Variants in MICU1 observed in about 807,000 individuals in gnomAD.
MICU1 encodes the protein calcium uptake protein 1, mitochondrial.
Under a neutral mutation model 56.8 loss-of-function variants are expected in MICU1, and 45 were observed. The observed-to-expected ratio is 0.79, with a 90% CI of 0.62 to 1.02. The LOEUF is 1.02. MICU1 is among the 50% of genes least tolerant of loss of function. The pLI is 0.00. For synonymous variants in MICU1, 186 were observed against 195.1 expected (o/e 0.95, Z 0.39); for missense variants, 504 against 587.1 (o/e 0.86, Z 1.46).
intron 1 of MICU1, among the ~76,000 whole-genome samples, chr10:72,567,498 G>C (rs1316221456): frequency 2.0e-5 from 3 of 152,130 alleles, no homozygotes; most frequent in African/African-American, 7.2e-5. Flanking sequence ...GCAGAGATCA[G>C]ACTGTGTGGA....
chr10:72,396,252 G>C (rs1863253814), intron 10 of MICU1, among the ~76,000 whole-genome samples: 1 of 152,178 alleles, frequency 6.6e-6, no homozygotes, highest in Non-Finnish European at 1.5e-5. Flanking sequence ...TCAACAAAAA[G>C]GACGTCCACA....
chr10:72,440,385 T>C (rs1013052274), intron 8 of MICU1, among the ~76,000 whole-genome samples: 1 of 152,176 alleles, frequency 6.6e-6, no homozygotes, highest in African/African-American at 2.4e-5. Context: ...TTATACCTTA[T>C]ACAAAAATTA....
chr10:72,449,547 G>A (rs1865231076), intron 8 of MICU1, among the ~76,000 whole-genome samples: 1 of 152,146 alleles, frequency 6.6e-6, no homozygotes, highest in African/African-American at 2.4e-5. Flanking sequence ...AAGTTTCTTA[G>A]AGTACCACAG....
At position 72,585,318 on chromosome 10, in the gene MICU1, G is replaced by A. The variant is rs960832844; in HGVS notation, c.-1-18524C>T. ...AAGATACATTTCAACTTCAAACCCT[G>A]TTTTAGAGTTCAAACATTTTATCCT... On this transcript the variant is annotated intron_variant, in intron 1 of 11. Coordinates refer to ENST00000361114, the MANE Select transcript of MICU1 (RefSeq NM_001195518.2). 2.6e-5 allele frequency among the ~76,000 whole-genome samples: 4 copies of A among 152,004 alleles called. No individual in the cohort carries two copies. In the East Asian group the frequency reaches 7.7e-4, roughly 29 times the overall value.
At chr10:72,441,615 C>CTTTCTTTT (rs1864933250) in intron 8 of MICU1, among the ~76,000 whole-genome samples, 1 of 105,474 alleles carries the variant, frequency 9.5e-6, no homozygotes, top group Non-Finnish European at 1.8e-5. Flanking sequence ...TTTAATTTTT[C>CTTTCTTTT]TTTTTTTTTT....
intron 10 of MICU1, among the ~76,000 whole-genome samples, chr10:72,406,069 G>C (rs991062699): frequency 1.3e-5 from 2 of 151,464 alleles, no homozygotes; most frequent in Admixed American, 6.6e-5. Context: ...GAAGATGATA[G>C]GATTATTTAC....
intron 6 of MICU1, among the ~76,000 whole-genome samples, chr10:72,502,425 A>C (rs1589284811): frequency 6.6e-6 from 1 of 151,954 alleles, no homozygotes; most frequent in African/African-American, 2.4e-5. Flanking sequence ...CAAAGTGCCG[A>C]GATTACAGGT....
Position 72,512,100 on chromosome 10 carries a change from G to GTTTTTTTTTTTTTTTTTTTTTTTTT in MICU1, c.538-3832_538-3831insAAAAAAAAAAAAAAAAAAAAAAAAA, listed in dbSNP as rs1199987987. 1.9e-4 allele frequency among the ~76,000 whole-genome samples: 16 copies of GTTTTTTTTTTTTTTTTTTTTTTTTT among 82,336 alleles called. 3 individuals carry two copies. Among genetic ancestry groups the GTTTTTTTTTTTTTTTTTTTTTTTTT allele is most frequent in the African/African-American group, 8.1e-4 (14 of 17,242 alleles). 54.0% of individuals were successfully genotyped at this position (82,336 alleles called of 152,430 possible). A position where few individuals can be genotyped will look rare whatever the true frequency, so the allele number is the denominator to read the frequency against. On this transcript the variant is annotated intron_variant, in intron 5 of 11. Coordinates refer to ENST00000361114, the MANE Select transcript of MICU1 (RefSeq NM_001195518.2). The stretch of plus-strand genomic sequence containing the variant: ...ATCAATCTGGCATCCATACACAGTT[G>GTTTTTTTTTTTTTTTTTTTTTTTTT]TTTTTTGTTTTTTTTTTTTTTTTTT...
rs767196483 is a variant in MICU1, at chr10:72,475,086, T to C, written c.933+14A>G. ...CCACATGTGATGGATCTACTGAGTC[T>C]AAGGAAGACCTACCTCAAGCTTCAG... On this transcript the variant is annotated intron_variant, in intron 8 of 11. Transcript: ENST00000361114. 6.2e-7 allele frequency: 1 copy of C among 1,601,024 alleles called. No homozygotes were observed. Among genetic ancestry groups the C allele is most frequent in the Non-Finnish European group, 8.5e-7 (1 of 1,173,290 alleles).
intron 1 of MICU1, among the ~76,000 whole-genome samples, chr10:72,581,787 G>A (rs1308812580): frequency 6.6e-6 from 1 of 152,056 alleles, no homozygotes; most frequent in Non-Finnish European, 1.5e-5. Flanking sequence ...GAAGATGCAG[G>A]GCACTGGTGC....
At chr10:72,448,756 GA>G (rs1307443312) in intron 8 of MICU1, among the ~76,000 whole-genome samples, 1 of 148,866 alleles carries the variant, frequency 6.7e-6, no homozygotes, top group Admixed American at 6.7e-5. Context: ...TTTCATAAAG[GA>G]AAAAAAAAGA....
Position 72,551,345 on chromosome 10 carries a change from A to G in MICU1, c.331-4T>C. The G allele has an allele frequency of 6.3e-7, 1 of 1,596,550 alleles. No individual in the cohort carries two copies. The highest frequency in any genetic ancestry group is 1.8e-5 in the Admixed American group (1 of 56,250). ...TCCTATTCTCATATTCCATCACCTA[A>G]AGTTAGAAATTTAGAAAGTGTTACT... On this transcript the variant is annotated splice_region_variant and splice_polypyrimidine_tract_variant and intron_variant, in intron 3 of 11. Coordinates refer to ENST00000361114, the MANE Select transcript of MICU1 (RefSeq NM_001195518.2).
chr10:72,461,262 C>T (rs1165736380), intron 8 of MICU1, among the ~76,000 whole-genome samples: 4 of 152,206 alleles, frequency 2.6e-5, no homozygotes, highest in Non-Finnish European at 4.4e-5. Context: ...CTCACAGTCT[C>T]TTGGCTCCAG....
chr10:72,437,777 A>G (rs920762311), intron 8 of MICU1, among the ~76,000 whole-genome samples: 6 of 152,210 alleles, frequency 3.9e-5, no homozygotes, highest in African/African-American at 1.4e-4. Flanking sequence ...ACTTTAAACC[A>G]ACAAAGATCA....
intron 1 of MICU1, among the ~76,000 whole-genome samples, chr10:72,616,750 A>C (rs1841993011): frequency 6.6e-6 from 1 of 151,950 alleles, no homozygotes; most frequent in Admixed American, 6.6e-5. Context: ...GTTTCCTCAC[A>C]TACATCCACT....
chr10:72,443,055 T>C (rs113307675), intron 8 of MICU1, among the ~76,000 whole-genome samples: 1,943 of 152,302 alleles, frequency 0.013, 31 homozygotes, highest in African/African-American at 0.044. Context: ...CAGTGCCTGG[T>C]CTGTCCTTTA....
At chr10:72,501,236 G>A (rs928090924) in intron 6 of MICU1, among the ~76,000 whole-genome samples, 1 of 152,076 alleles carries the variant, frequency 6.6e-6, no homozygotes, top group Non-Finnish European at 1.5e-5. Flanking sequence ...GAATGTATGA[G>A]TTAGGAGTAA....
intron 4 of MICU1, among the ~76,000 whole-genome samples, chr10:72,549,876 G>A (rs956790708): frequency 5.7e-5 from 8 of 141,380 alleles, no homozygotes; most frequent in African/African-American, 1.9e-4. Flanking sequence ...ATTGCAGTGA[G>A]CTGAGATTGC....
intron 6 of MICU1, among the ~76,000 whole-genome samples, chr10:72,489,313 CA>C (rs1866577509): frequency 1.4e-5 from 2 of 142,124 alleles, no homozygotes; most frequent in Admixed American, 6.7e-5. Context: ...CACACACACA[CA>C]CACACACACA....
Sources: allele counts gnomAD v4.1 joint callset (sites outside exome capture counted in the v4.1 genomes callset), GRCh38; gene constraint gnomAD v4.1.1; transcripts MANE v1.5; gene names NCBI Gene and HGNC (gene_info 2026-07-23, HGNC 2026-07-21).